Variants in PPT1 observed in about 807,000 individuals in gnomAD.
PPT1 encodes ceroid-palmitoyl-palmitoyl-protein thioesterase 1.
Under a neutral mutation model 44.0 loss-of-function variants are expected in PPT1, and 24 were observed. The observed-to-expected ratio is 0.54, with a 90% CI of 0.39 to 0.77. The LOEUF (loss-of-function observed/expected upper bound fraction) is 0.77. Ranked by LOEUF, PPT1 falls within the 30% of genes least tolerant of loss-of-function variation. PPT1 has a pLI of 0.00. For synonymous variants in PPT1, 148 were observed against 140.2 expected, an observed-to-expected ratio of 1.06 and a Z score of -0.39; for missense variants, 341 against 378.8, an observed-to-expected ratio of 0.90 and a Z score of 0.83.
At position 40,082,900 on chromosome 1, in the gene PPT1, C is replaced by T. The variant is rs576579200; in HGVS notation, c.537-2413G>A. Among the ~76,000 whole-genome samples the T allele has an allele frequency of 5.3e-5, 8 of 152,342 alleles. No individual in the cohort carries two copies. In the South Asian group the frequency reaches 1.5e-3, roughly 28 times the overall value. On this transcript the variant is annotated intron_variant, in intron 5 of 8. Coordinates refer to ENST00000642050, the MANE Select transcript of PPT1 (RefSeq NM_000310.4). Reference sequence around the variant, plus strand: ...CTATAGAGGAGAAGTCAATGCCTGGCTTCAAAACTTCAAAGGACAGGCTGA... The same window carrying T: ...CTATAGAGGAGAAGTCAATGCCTGGTTTCAAAACTTCAAAGGACAGGCTGA...
At chr1:40,093,810 A>C in intron 1 of PPT1, 1 of 481,108 alleles carries the variant, frequency 2.1e-6, no homozygotes, top group South Asian at 3.7e-5. Flanking sequence ...CTTGAAACTG[A>C]AAGGTGGAGG....
intron 6 of PPT1, among the ~76,000 whole-genome samples, chr1:40,079,026 A>G (rs966468781): frequency 6.6e-6 from 1 of 152,116 alleles, no homozygotes; most frequent in Middle Eastern, 3.4e-3. Context: ...TCCAGTGTCT[A>G]TTGTTCCCAT....
chr1:40,092,149 CAAG>C lies in PPT1; in HGVS notation c.255_257del (p.Phe85del), dbSNP rs386833637. The C allele has an allele frequency of 1.1e-5, 18 of 1,613,990 alleles. No homozygotes were observed. Among genetic ancestry groups the C allele is most frequent in the Non-Finnish European group, 1.5e-5 (18 of 1,179,998 alleles). ...CTGTTGTTACTTGGGAATTGACATT[CAAG>C]AAGAAGCTGTTCTCCACGTCCTAAA... On this transcript the variant is annotated inframe_deletion, in exon 3 of 9. Coordinates refer to ENST00000642050, the MANE Select transcript of PPT1 (RefSeq NM_000310.4).
At chr1:40,078,956 AAC>A (rs1384014147) in intron 6 of PPT1, 9 of 390,698 alleles carry the variant, frequency 2.3e-5, no homozygotes, top group African/African-American at 1.7e-4. Flanking sequence ...CCAGATAGTG[AAC>A]ACAGTGCCCA....
At chr1:40,090,302 C>T (rs900442455) in intron 4 of PPT1, among the ~76,000 whole-genome samples, 3 of 152,104 alleles carry the variant, frequency 2.0e-5, no homozygotes, top group African/African-American at 7.2e-5. Context: ...CAGGTGTACA[C>T]CACCATGTGC....
At chr1:40,080,918 A>G (rs1557708537) in intron 5 of PPT1, among the ~76,000 whole-genome samples, 1 of 152,180 alleles carries the variant, frequency 6.6e-6, no homozygotes, top group Non-Finnish European at 1.5e-5. Context: ...CCCAGGCCTT[A>G]CCCTTTAATA....
chr1:40,074,199 C>G lies in PPT1; in HGVS notation c.799-16G>C, dbSNP rs1294889179. ...CCAGGCGGTCCTGCAGAAGGAAAGG[C>G]CATAATTAATTAAAAAGCTTAATGA... is the stretch of plus-strand genomic sequence containing the variant. On this transcript the variant is annotated splice_polypyrimidine_tract_variant and intron_variant, in intron 8 of 8. Coordinates refer to ENST00000642050, the MANE Select transcript of PPT1 (RefSeq NM_000310.4). 1.6e-5 allele frequency: 26 copies of G among 1,613,758 alleles called. 1 individual carries two copies. The highest frequency in any genetic ancestry group is 2.2e-5 in the Non-Finnish European group (26 of 1,179,842).
downstream of PPT1, chr1:40,071,843 T>C (rs753323452): frequency 1.7e-5 from 8 of 466,100 alleles, no homozygotes; most frequent in Non-Finnish European, 3.0e-5. Flanking sequence ...GGGGTTATTC[T>C]ACCAACAAAC....
At chr1:40,094,069 T>G (rs1489639038) in intron 1 of PPT1, 1 of 662,788 alleles carries the variant, frequency 1.5e-6, no homozygotes, top group South Asian at 1.6e-5. Context: ...AGACACCAAA[T>G]TTACAAATGA....
intron 5 of PPT1, among the ~76,000 whole-genome samples, chr1:40,085,344 T>C (rs2124479891): frequency 6.6e-6 from 1 of 152,250 alleles, no homozygotes; most frequent in Non-Finnish European, 1.5e-5. Flanking sequence ...ACTTTACCTA[T>C]CATGGGAGAT....
At position 40,073,896 on chromosome 1, in the gene PPT1, G is replaced by T; in HGVS notation, c.*165C>A. 1.1e-6 allele frequency: 1 copy of T among 946,856 alleles called. No individual in the cohort carries two copies. Among genetic ancestry groups the T allele is most frequent in the Non-Finnish European group, 1.6e-6 (1 of 613,234 alleles). The allele number at this position is 946,856 out of a possible 1,614,324, so 58.7% of individuals were successfully genotyped here. On this transcript the variant is annotated 3_prime_UTR_variant, in exon 9 of 9. Coordinates refer to ENST00000642050, the MANE Select transcript of PPT1 (RefSeq NM_000310.4). ...CCATATGGTAACAGAAGATGGCAAA[G>T]GATAAGATTCAGATCTTAGATCTTT...
intron 5 of PPT1, among the ~76,000 whole-genome samples, 156 bp downstream of exon 5, chr1:40,089,254 C>A (rs1050319591): frequency 8.2e-6 from 1 of 121,596 alleles, no homozygotes; most frequent in Admixed American, 1.1e-4. Context: ...CCACTGCCCT[C>A]CAGCCTGGGC....
chr1:40,095,809 G>A lies in PPT1; in HGVS notation c.124+1306C>T, dbSNP rs116623591. 3.4e-4 allele frequency among the ~76,000 whole-genome samples: 51 copies of A among 152,086 alleles called. No individual in the cohort carries two copies. The East Asian group carries it at 7.3e-3, about 22-fold the overall frequency. On this transcript the variant is annotated intron_variant, in intron 1 of 8. Coordinates refer to ENST00000642050, the MANE Select transcript of PPT1 (RefSeq NM_000310.4). ...CTGTCTCCCTGTGACCATCCATGACGCCCTACGATCTATTCTTAATACAGC... is the reference window on the plus strand; with the variant it reads ...CTGTCTCCCTGTGACCATCCATGACACCCTACGATCTATTCTTAATACAGC...
rs56721575 is a variant in PPT1 at position 40,074,431 on chromosome 1, CTT to C, written c.799-250_799-249del. Among the ~76,000 whole-genome samples the C allele has an allele frequency of 7.9e-4, 99 of 126,106 alleles. No individual in the cohort carries two copies. In the East Asian group the frequency reaches 0.02, roughly 25 times the overall value. The allele number at this position is 126,106 out of a possible 152,430, so 82.7% of individuals were successfully genotyped here. A position where few individuals can be genotyped will look rare whatever the true frequency, so the allele number is the denominator to read the frequency against. ...CCTCCCCCTCCTCCTGTCCCCCCCG[CTT>C]CTTCTTCTTCTTCCTCTCTCTCTCT... On this transcript the variant is annotated intron_variant, in intron 8 of 8. Coordinates refer to ENST00000642050, the MANE Select transcript of PPT1 (RefSeq NM_000310.4).
At chr1:40,087,112 C>T (rs533357391) in intron 5 of PPT1, among the ~76,000 whole-genome samples, 2 of 152,128 alleles carry the variant, frequency 1.3e-5, no homozygotes, top group South Asian at 4.2e-4. Flanking sequence ...TTTTTATGAT[C>T]TCTTACCTCC....
chr1:40,093,982 C>T (rs564380568), intron 1 of PPT1: 13 of 716,172 alleles, frequency 1.8e-5, no homozygotes, highest in Middle Eastern at 2.3e-4. Flanking sequence ...TGCTTGAGGC[C>T]AAGAGTTCGA....
At position 40,097,232 on chromosome 1, in the gene PPT1, A is replaced by T; in HGVS notation, c.7T>A (p.Ser3Thr). The change falls in exon 1 of 9, where the codon TCG (serine) becomes ACG (threonine). Residue 3 changes from serine (S) to threonine (T), a missense_variant. Coordinates refer to ENST00000642050, the MANE Select transcript of PPT1 (RefSeq NM_000310.4). Reference protein sequence around the residue: MASPGCLWLLAVA... With the variant: MATPGCLWLLAVA... The stretch of plus-strand genomic sequence containing the variant: ...GCCAAGAGCCACAGGCAGCCGGGCG[A>T]CGCCATCTTCGCTGTGTCACATGAC... 6.2e-7 allele frequency: 1 copy of T among 1,613,842 alleles called. No homozygotes were observed. Among genetic ancestry groups the T allele is most frequent in the Non-Finnish European group, 8.5e-7 (1 of 1,179,866 alleles).
At position 40,079,369 on chromosome 1, in the gene PPT1, T is replaced by C. The variant is rs568790888; in HGVS notation, c.628-711A>G. 1.9e-4 allele frequency among the ~76,000 whole-genome samples: 28 copies of C among 151,290 alleles called. No homozygotes were observed. In the East Asian group the frequency reaches 5.2e-3, roughly 28 times the overall value. On this transcript the variant is annotated intron_variant, in intron 6 of 8. Transcript: ENST00000642050. ...TTGGGTATATACCCAGTCACGGGATTGCTTACACAGCCTTTTCTTTTCCTT... is the reference window on the plus strand; with the variant it reads ...TTGGGTATATACCCAGTCACGGGATCGCTTACACAGCCTTTTCTTTTCCTT...
In PPT1 at chr1:40,089,456, G is replaced by A. The variant is rs386833649; in HGVS notation, c.490C>T (p.Arg164Ter). 12 of 1,613,950 alleles carry A rather than the reference G, an allele frequency of 7.4e-6. No individual in the cohort carries two copies. The East Asian group carries it at 1.1e-4, about 15-fold the overall frequency. The change falls in exon 5 of 9, where the codon CGA (arginine) becomes TGA (stop). Residue 164 changes from arginine (R) to a stop codon, truncating the protein, a stop_gained. Coordinates refer to ENST00000642050, the MANE Select transcript of PPT1 (RefSeq NM_000310.4). LOFTEE classifies it high-confidence loss of function. ...GESSHICDFI[R>*]KTLNAGAYSK... Reference sequence around the variant, plus strand: ...TACGCCCCAGCATTCAGTGTTTTTCGGATGAAGTCACAGATGTGAGAGCTC... The same window carrying A: ...TACGCCCCAGCATTCAGTGTTTTTCAGATGAAGTCACAGATGTGAGAGCTC...
Sources: gnomAD v4.1 joint callset for allele counts (sites outside exome capture counted in the v4.1 genomes callset) on GRCh38, gnomAD v4.1.1 for gene constraint, MANE v1.5 for transcripts, NCBI Gene and HGNC (gene_info 2026-07-23, HGNC 2026-07-21) for gene names.